The following GNA15 variants were observed in gnomAD, a reference collection of about 807,000 sequenced individuals.
GNA15 encodes the protein G protein subunit alpha 15.
A neutral mutation model predicts 40.1 loss-of-function variants in GNA15; 23 were observed. The observed-to-expected ratio is 0.57, with a 90% confidence interval of 0.41 to 0.81. GNA15 has a LOEUF of 0.81. GNA15 is among the 40% of genes least tolerant of loss of function. The pLI, the probability that GNA15 is intolerant of heterozygous loss-of-function variation, is 0.00. For synonymous variants in GNA15, 226 were observed against 210.4 expected (o/e 1.07, Z -0.64); for missense variants, 522 against 515.8 (o/e 1.01, Z -0.12).
chr19:3,162,831 C>A lies in GNA15; in HGVS notation c.937C>A (p.Leu313Met). 1 of 1,614,064 alleles carries A rather than the reference C, an allele frequency of 6.2e-7. No homozygotes were observed. The change falls in exon 7 of 7, where the codon CTG becomes ATG. Residue 313 changes from leucine (L) to methionine (M), a missense_variant. Transcript: ENST00000262958. Reference protein sequence around the residue: ...QDAEAAKRFILDMYTRMYTGC... With the variant: ...QDAEAAKRFIMDMYTRMYTGC... ...TGCTGAGGCAGCCAAGAGGTTCATC[C>A]TGGACATGTACACGAGGATGTACAC...
intron 6 of GNA15, among the ~76,000 whole-genome samples, chr19:3,160,825 T>C (rs1403812499): frequency 6.6e-6 from 1 of 152,046 alleles, no homozygotes; most frequent in Non-Finnish European, 1.5e-5. Context: ...ATCACTGCAA[T>C]CTCTGCCTCC....
At chr19:3,150,313 C>A in intron 3 of GNA15, 28 bp downstream of exon 3, 1 of 1,509,486 alleles carries the variant, frequency 6.6e-7, no homozygotes, top group Non-Finnish European at 8.9e-7. Context: ...GGGGGATGGG[C>A]GCGTGGGGAG....
At chr19:3,160,508 A>G (rs1915117892) in intron 6 of GNA15, among the ~76,000 whole-genome samples, 1 of 152,144 alleles carries the variant, frequency 6.6e-6, no homozygotes, top group African/African-American at 2.4e-5. Context: ...TCTATTTGTC[A>G]AGCACATCAC....
intron 5 of GNA15, 26 bp from the exon 6 acceptor site, chr19:3,157,702 C>G: frequency 6.2e-7 from 1 of 1,607,030 alleles, no homozygotes. Flanking sequence ...GGTTGAAGCA[C>G]TAACCTGCTT....
intron 4 of GNA15, among the ~76,000 whole-genome samples, chr19:3,152,759 G>C (rs1226903050): frequency 6.6e-6 from 1 of 152,146 alleles, no homozygotes; most frequent in East Asian, 1.9e-4. Context: ...GACAGCGATT[G>C]TGTTTGACCT....
At chr19:3,139,634 T>A (rs1449514153) in intron 1 of GNA15, among the ~76,000 whole-genome samples, 1 of 148,422 alleles carries the variant, frequency 6.7e-6, no homozygotes. Flanking sequence ...GTGCAGTGGC[T>A]CATGCCTGTA....
rs909320865 is a variant in GNA15 at position 3,136,482 on chromosome 19, C to T, written c.32C>T (p.Pro11Leu). MARSLTWRCC[P>L]WCLTEDEKAA... ...CGCTCGCTGACCTGGCGCTGCTGCC[C>T]CTGGTGCCTGACGGAGGATGAGAAG... The change falls in exon 1 of 7, where the codon CCC becomes CTC. Residue 11 changes from proline (P) to leucine (L), a missense_variant. Pro to Leu is a moderately conservative substitution (Grantham distance 98). Coordinates refer to ENST00000262958, the MANE Select transcript of GNA15 (RefSeq NM_002068.4). This position sits in a 1 kb window ranked among gnomAD's most constrained non-coding sequence, Gnocchi z 4.9. The T allele has an allele frequency of 9.7e-6, 15 of 1,554,014 alleles. No homozygotes were observed. Among genetic ancestry groups the T allele is most frequent in the Non-Finnish European group, 1.3e-5 (15 of 1,149,432 alleles).
In GNA15 at chr19:3,150,268, G is replaced by A; in HGVS notation, c.468G>A (p.Leu156=). ...ATGAGCGTCGGCGGGAATTCCACCT[G>A]CTCGATTCAGCCGTGTAGTGAGTCT... ...ACYERRREFH[L]LDSAVYYLSH... Residue 156 remains leucine, a synonymous_variant, in exon 3 of 7, where the codon CTG becomes CTA. Transcript: ENST00000262958. 2 of 1,597,520 alleles carry A rather than the reference G, an allele frequency of 1.3e-6. No homozygotes were observed. Among genetic ancestry groups the A allele is most frequent in the Non-Finnish European group, 1.7e-6 (2 of 1,172,176 alleles).
chr19:3,159,757 C>A (rs1262572843), intron 6 of GNA15, among the ~76,000 whole-genome samples: 1 of 152,180 alleles, frequency 6.6e-6, no homozygotes, highest in Non-Finnish European at 1.5e-5. Context: ...ATTTGCATAA[C>A]GTTTCTTTTA....
In GNA15 at chr19:3,151,773, C is replaced by A; in HGVS notation, c.552C>A (p.Arg184=). The change falls in exon 4 of 7, where the codon CGC becomes CGA. Residue 184 remains arginine, a synonymous_variant. Transcript: ENST00000262958. The surrounding 1 kb of genome is among the most constrained non-coding windows in gnomAD (Gnocchi z 5.0). The part of the protein sequence containing the change: ...GYVPTAQDVL[R]SRMPTTGINE... ...TCCCCACAGCTCAGGACGTGCTCCG[C>A]AGCCGCATGCCCACCACTGGCATCA... 2.5e-6 allele frequency: 4 copies of A among 1,612,824 alleles called. No individual in the cohort carries two copies. Among genetic ancestry groups the A allele is most frequent in the Non-Finnish European group, 2.5e-6 (3 of 1,179,626 alleles).
intron 2 of GNA15, chr19:3,149,044 CA>C (rs1568296216): frequency 6.5e-6 from 3 of 461,898 alleles, no homozygotes; most frequent in Non-Finnish European, 7.9e-6. Context: ...CACACACGTA[CA>C]TGCTCACAAA....
intron 1 of GNA15, among the ~76,000 whole-genome samples, chr19:3,144,684 A>G (rs1248489173): frequency 1.3e-5 from 2 of 150,784 alleles, no homozygotes; most frequent in Non-Finnish European, 2.9e-5. Flanking sequence ...GCCCGCCACC[A>G]TGCCCGGTTA....
chr19:3,152,288 G>A (rs1438930484), intron 4 of GNA15, among the ~76,000 whole-genome samples: 2 of 152,022 alleles, frequency 1.3e-5, no homozygotes, highest in Non-Finnish European at 2.9e-5. Flanking sequence ...GAAAAAGGAG[G>A]AGCCAGGACA....
At chr19:3,139,138 G>T (rs1914521703) in intron 1 of GNA15, among the ~76,000 whole-genome samples, 1 of 151,154 alleles carries the variant, frequency 6.6e-6, no homozygotes, top group Admixed American at 6.6e-5. Context: ...TAGAGATGGG[G>T]TTTCACCATG....
intron 1 of GNA15, among the ~76,000 whole-genome samples, chr19:3,147,073 T>C (rs12461303): frequency 0.55 from 83,320 of 151,958 alleles, 23,030 homozygotes; most frequent in East Asian, 0.69. Flanking sequence ...CAAATCACTT[T>C]CACTGAGAGG....
chr19:3,150,896 C>T (rs1914866555), intron 3 of GNA15, among the ~76,000 whole-genome samples: 1 of 151,278 alleles, frequency 6.6e-6, no homozygotes, highest in Non-Finnish European at 1.5e-5. Flanking sequence ...GGACCCTGTT[C>T]CCGGGGGTGA....
chr19:3,136,441 C>T lies in GNA15; in HGVS notation c.-10C>T. On this transcript the variant is annotated 5_prime_UTR_variant, in exon 1 of 7. Coordinates refer to ENST00000262958, the MANE Select transcript of GNA15 (RefSeq NM_002068.4). The surrounding 1 kb of genome is among the most constrained non-coding windows in gnomAD (Gnocchi z 4.9). ...CGATGCCACCCGGTGCCGACTGAGG[C>T]CACCGCACCATGGCCCGCTCGCTGA... 2 of 1,547,788 alleles carry T rather than the reference C, an allele frequency of 1.3e-6. No homozygotes were observed. The highest frequency in any genetic ancestry group is 2.4e-5 in the South Asian group (2 of 83,884).
chr19:3,150,421 T>A (rs1011773853), intron 3 of GNA15, 136 bp downstream of exon 3: 20 of 710,994 alleles, frequency 2.8e-5, no homozygotes, highest in African/African-American at 2.8e-4. Context: ...GATGAGGTCC[T>A]TCCAGGGGGA....
intron 1 of GNA15, among the ~76,000 whole-genome samples, chr19:3,143,782 C>T (rs977628800): frequency 2.6e-5 from 4 of 152,048 alleles, no homozygotes; most frequent in African/African-American, 4.8e-5. Flanking sequence ...ATTCCCTCAA[C>T]GGCCCCGAGA....
Sources: allele counts gnomAD v4.1 joint callset (sites outside exome capture counted in the v4.1 genomes callset), GRCh38; gene constraint gnomAD v4.1.1; non-coding constraint Gnocchi (gnomAD v3.1); transcripts MANE v1.5; gene names NCBI Gene and HGNC (gene_info 2026-07-23, HGNC 2026-07-21).